The following PTPRK variants were observed in gnomAD, a reference collection of about 807,000 sequenced individuals.
PTPRK encodes receptor-type tyrosine-protein phosphatase kappa.
Under a neutral mutation model 178.0 loss-of-function variants are expected in PTPRK, and 75 were observed. The observed-to-expected ratio is 0.42, with a 90% confidence interval of 0.35 to 0.51. The LOEUF is 0.51. Among genes scored for constraint, PTPRK ranks in the 20% least tolerant of loss-of-function variants. The probability of loss-of-function intolerance (pLI) is 0.02; values close to 1 mark genes in which losing one functional copy is unlikely to be tolerated. For missense variants in PTPRK, 1,441 were observed against 1,797.8 expected, an observed-to-expected ratio of 0.80 and a Z score of 3.59; for synonymous variants, 637 against 620.6, an observed-to-expected ratio of 1.03 and a Z score of -0.39.
In PTPRK at chr6:128,469,169, C is replaced by A. The variant is rs57696205; in HGVS notation, c.100+51090G>T. Among the ~76,000 whole-genome samples the A allele has an allele frequency of 5.1e-3, 773 of 152,254 alleles. 8 individuals are homozygous for A. Among genetic ancestry groups the A allele is most frequent in the African/African-American group, 0.018 (735 of 41,568 alleles). On this transcript the variant is annotated intron_variant, in intron 1 of 29. Transcript: ENST00000368226. ...CAGAAATGACTACTATAAGGAAGTGCTTTCCTCCATTTATTTTATCTAGCT... is the reference window on the plus strand; with the variant it reads ...CAGAAATGACTACTATAAGGAAGTGATTTCCTCCATTTATTTTATCTAGCT...
At chr6:128,145,882 C>T (rs1487483878) in intron 7 of PTPRK, among the ~76,000 whole-genome samples, 1 of 152,160 alleles carries the variant, frequency 6.6e-6, no homozygotes, top group Non-Finnish European at 1.5e-5. Flanking sequence ...TATCAAATTA[C>T]TATAATGTGG....
chr6:128,470,061 G>C (rs973775607), intron 1 of PTPRK, among the ~76,000 whole-genome samples: 2 of 152,130 alleles, frequency 1.3e-5, no homozygotes, highest in Non-Finnish European at 2.9e-5. Flanking sequence ...TGTTGCAGCA[G>C]CCATAGAAAA....
rs1473621261 is a variant in PTPRK, at chr6:127,981,168, A to T, written c.3659T>A (p.Leu1220Ter). 2.5e-6 allele frequency: 4 copies of T among 1,613,970 alleles called. No individual in the cohort carries two copies. The highest frequency in any genetic ancestry group is 3.4e-6 in the Non-Finnish European group (4 of 1,179,928). Reference protein sequence around the residue: ...MLPPDRCLPFLITIDGESSNY... With the variant: ...MLPPDRCLPF ...ACTGCTCTCCCCATCAATTGTAATT[A>T]AAAAAGGCAGACATCTGTCAGGTGG... The change falls in exon 25 of 30, where the codon TTA becomes TAA. Residue 1220 changes from leucine to a stop codon, truncating the protein, a stop_gained. Coordinates refer to ENST00000368226, the MANE Select transcript of PTPRK (RefSeq NM_002844.4). LOFTEE classifies it high-confidence loss of function.
intron 3 of PTPRK, among the ~76,000 whole-genome samples, chr6:128,252,973 C>A (rs967674272): frequency 6.6e-6 from 1 of 152,132 alleles, no homozygotes. Flanking sequence ...TTCCATAATT[C>A]CTTTTACAGT....
At chr6:128,242,638 G>C in intron 3 of PTPRK, 36 bp from the exon 4 acceptor site, 4 of 1,603,196 alleles carry the variant, frequency 2.5e-6, no homozygotes, top group Non-Finnish European at 3.4e-6. Context: ...TACAACAATA[G>C]TTTTCAAGGA....
intron 2 of PTPRK, among the ~76,000 whole-genome samples, chr6:128,337,257 C>T (rs1831064624): frequency 6.6e-6 from 1 of 152,068 alleles, no homozygotes; most frequent in African/African-American, 2.4e-5. Flanking sequence ...GGGCTATTAC[C>T]TCTCATTAGG....
intron 10 of PTPRK, 83 bp downstream of exon 10, chr6:128,082,354 T>A: frequency 7.9e-7 from 1 of 1,272,804 alleles, no homozygotes; most frequent in Non-Finnish European, 1.1e-6. Flanking sequence ...GAACTACACT[T>A]GGTTTATATG....
intron 7 of PTPRK, among the ~76,000 whole-genome samples, chr6:128,143,321 T>C (rs1796041589): frequency 6.6e-6 from 1 of 152,170 alleles, no homozygotes; most frequent in South Asian, 2.1e-4. Context: ...AAGGGAACTA[T>C]ACATTCACTT....
chr6:128,126,156 C>T (rs926533759), intron 7 of PTPRK, among the ~76,000 whole-genome samples: 10 of 151,676 alleles, frequency 6.6e-5, no homozygotes, highest in African/African-American at 9.7e-5. Flanking sequence ...CCTATCAACC[C>T]GTCATCTAGG....
At chr6:128,041,024 CAT>C (rs1249667554) in intron 13 of PTPRK, among the ~76,000 whole-genome samples, 3 of 152,086 alleles carry the variant, frequency 2.0e-5, no homozygotes, top group Non-Finnish European at 4.4e-5. Flanking sequence ...ATAAACTACA[CAT>C]GTGTTTCAGT....
intron 28 of PTPRK, 129 bp from the exon 29 acceptor site, chr6:127,973,286 T>C (rs1488145431): frequency 3.5e-6 from 5 of 1,446,636 alleles, no homozygotes; most frequent in East Asian, 2.3e-5. Flanking sequence ...TTAATTTTGC[T>C]TTATATGTGT....
chr6:128,396,711 G>T (rs886706869), intron 2 of PTPRK, among the ~76,000 whole-genome samples: 1 of 151,990 alleles, frequency 6.6e-6, no homozygotes, highest in Non-Finnish European at 1.5e-5. Context: ...GGTAAAAAAC[G>T]AAAAGATGCT....
intron 11 of PTPRK, among the ~76,000 whole-genome samples, chr6:128,077,666 G>C (rs1784084556): frequency 6.6e-6 from 1 of 151,920 alleles, no homozygotes; most frequent in South Asian, 2.1e-4. Flanking sequence ...GGATTTCTGT[G>C]CCTTCATTTA....
At chr6:128,453,372 T>C (rs1848015773) in intron 1 of PTPRK, among the ~76,000 whole-genome samples, 2 of 152,144 alleles carry the variant, frequency 1.3e-5, no homozygotes, top group South Asian at 4.1e-4. Flanking sequence ...CCCATAACTT[T>C]AGACAAGTAG....
chr6:128,003,188 G>T, intron 15 of PTPRK: 1 of 1,599,160 alleles, frequency 6.3e-7, no homozygotes, highest in Non-Finnish European at 8.5e-7. Context: ...TAAAGATTTA[G>T]GGCCTCACCT....
chr6:128,459,493 C>T (rs1482945208), intron 1 of PTPRK, among the ~76,000 whole-genome samples: 2 of 152,120 alleles, frequency 1.3e-5, no homozygotes, highest in Non-Finnish European at 2.9e-5. Flanking sequence ...CCCAAAGCTG[C>T]TACTAAAACA....
chr6:128,451,697 T>A (rs956926662), intron 1 of PTPRK, among the ~76,000 whole-genome samples: 1 of 152,138 alleles, frequency 6.6e-6, no homozygotes, highest in Admixed American at 6.5e-5. Flanking sequence ...TGCTAACATG[T>A]AATGGGTTTT....
Position 127,969,316 on chromosome 6 carries a change from C to T in PTPRK, c.*911G>A, listed in dbSNP as rs1773662197. The stretch of plus-strand genomic sequence containing the variant: ...CCTAATGAAATTGTGAAAAACTATA[C>T]ATATTCAGCAAAATGTTTTAATTTG... On this transcript the variant is annotated 3_prime_UTR_variant, in exon 30 of 30. Transcript: ENST00000368226. The T allele has an allele frequency of 6.6e-6, 1 of 152,156 alleles. No individual in the cohort carries two copies. Among genetic ancestry groups the T allele is most frequent in the African/African-American group, 2.4e-5 (1 of 41,440 alleles). 9.4% of individuals were successfully genotyped at this position (152,156 alleles called of 1,614,324 possible). A position where few individuals can be genotyped will look rare whatever the true frequency, so the allele number is the denominator to read the frequency against.
chr6:128,435,772 G>C (rs1367757187), intron 1 of PTPRK, among the ~76,000 whole-genome samples: 1 of 152,138 alleles, frequency 6.6e-6, no homozygotes, highest in African/African-American at 2.4e-5. Flanking sequence ...CCTGGGTGAA[G>C]CTAGACAAAA....
Sources: allele counts gnomAD v4.1 joint callset (sites outside exome capture counted in the v4.1 genomes callset), GRCh38; gene constraint gnomAD v4.1.1; transcripts MANE v1.5; gene names NCBI Gene and HGNC (gene_info 2026-07-23, HGNC 2026-07-21).